Variants in FANCA observed in about 807,000 individuals in gnomAD.
The protein encoded by FANCA is FA complementation group A.
FANCA carries 236 observed loss-of-function variants against 194.3 expected under a neutral mutation model. The observed-to-expected ratio is 1.21, with a 90% CI of 1.09 to 1.35. FANCA has a LOEUF of 1.35. Among genes scored for constraint, FANCA ranks in the 40% most tolerant of loss-of-function variants. The probability of loss-of-function intolerance (pLI) is 0.00; values close to 1 mark genes in which losing one functional copy is unlikely to be tolerated. For missense variants in FANCA, 2,628 were observed against 1,813.9 expected, an observed-to-expected ratio of 1.45 and a Z score of -8.15; for synonymous variants, 1,014 against 715.8, an observed-to-expected ratio of 1.42 and a Z score of -6.65.
intron 1 of FANCA, 52 bp from the exon 2 acceptor site, chr16:89,816,038 T>A: frequency 7.0e-7 from 1 of 1,423,472 alleles, no homozygotes. Context: ...ACACACGGGG[T>A]CCCCGGCCCG....
chr16:89,809,851 C>A (rs1228431878), intron 5 of FANCA, among the ~76,000 whole-genome samples: 18 of 147,660 alleles, frequency 1.2e-4, no homozygotes, highest in South Asian at 6.4e-4. Flanking sequence ...AAAACTCCAT[C>A]TCAAAAAAAA....
chr16:89,771,400 A>C (rs1257193559), intron 23 of FANCA, among the ~76,000 whole-genome samples: 1 of 151,660 alleles, frequency 6.6e-6, no homozygotes, highest in African/African-American at 2.4e-5. Context: ...TCAAAGCTGT[A>C]GTGAGCCATG....
intron 21 of FANCA, among the ~76,000 whole-genome samples, chr16:89,774,390 C>A (rs2039423666): frequency 6.6e-6 from 1 of 152,218 alleles, no homozygotes; most frequent in Non-Finnish European, 1.5e-5. Flanking sequence ...GGGTACACAG[C>A]CCTGAGGCCC....
intron 14 of FANCA, chr16:89,791,049 G>C (rs2040057205): frequency 2.3e-5 from 2 of 87,142 alleles, no homozygotes; most frequent in East Asian, 2.7e-4. Context: ...TTTTTTTTTT[G>C]GTGGAGATGA....
At chr16:89,810,581 ACT>A in intron 5 of FANCA, 124 bp downstream of exon 5, 1 of 755,848 alleles carries the variant, frequency 1.3e-6, no homozygotes, top group Non-Finnish European at 2.4e-6. Context: ...TTTTTCATCC[ACT>A]CTCTGTAATT....
intron 36 of FANCA, among the ~76,000 whole-genome samples, chr16:89,743,839 A>G (rs1282661500): frequency 2.6e-5 from 4 of 152,196 alleles, no homozygotes; most frequent in Non-Finnish European, 5.9e-5. Flanking sequence ...AAACAAAACA[A>G]AAAACAAAAC....
At chr16:89,806,543 T>A (rs914861875) in intron 6 of FANCA, among the ~76,000 whole-genome samples, 1 of 151,582 alleles carries the variant, frequency 6.6e-6, no homozygotes, top group Admixed American at 6.6e-5. Context: ...TAGGGAGTGG[T>A]GATGACTCTT....
Position 89,742,990 on chromosome 16 carries a change from G to A in FANCA, c.3627-52C>T, listed in dbSNP as rs367880686. The A allele has an allele frequency of 8.8e-5, 140 of 1,589,730 alleles. No homozygotes were observed. In the African/African-American group the frequency reaches 1.6e-3, roughly 18 times the overall value. On this transcript the variant is annotated intron_variant, in intron 36 of 42. Transcript: ENST00000389301. ...CAGGGCCTTACAACCATACAACCACGCCATAGAAACCAAGTCCTTATTCCC... is the reference window on the plus strand; with the variant it reads ...CAGGGCCTTACAACCATACAACCACACCATAGAAACCAAGTCCTTATTCCC...
rs759940726 is a variant in FANCA at position 89,779,905 on chromosome 16, T to G, written c.1679A>C (p.His560Pro). The change falls in exon 18 of 43, where the codon CAT becomes CCT. Residue 560 changes from histidine to proline, a missense_variant. Physicochemically the swap from His to Pro is moderately conservative, Grantham distance 77 (BLOSUM62 -2). Transcript: ENST00000389301. Reference protein sequence around the residue: ...DVEKAIMVFEHTGNIPVTVME... With the variant: ...DVEKAIMVFEPTGNIPVTVME... The stretch of plus-strand genomic sequence containing the variant: ...GACGGTGACTGGGATGTTCCCCGTA[T>G]GCTCAAACACCATGATGGCCTTTTC... The G allele has an allele frequency of 5.6e-6, 9 of 1,614,146 alleles. No individual in the cohort carries two copies. In the South Asian group the frequency reaches 8.8e-5, roughly 16 times the overall value.
chr16:89,782,100 G>A (rs2039733276), intron 17 of FANCA, among the ~76,000 whole-genome samples: 1 of 150,432 alleles, frequency 6.6e-6, no homozygotes, highest in Non-Finnish European at 1.5e-5. Flanking sequence ...ACTTGGCCAG[G>A]AGCAGTGGCT....
rs1405170389 is a variant in FANCA, at chr16:89,774,478, C to G, written c.1901-1094G>C. Among the ~76,000 whole-genome samples the G allele has an allele frequency of 4.6e-5, 7 of 152,182 alleles. No individual in the cohort carries two copies. In the East Asian group the frequency reaches 1.4e-3, roughly 30 times the overall value. On this transcript the variant is annotated intron_variant, in intron 21 of 42. Coordinates refer to ENST00000389301, the MANE Select transcript of FANCA (RefSeq NM_000135.4). Reference sequence around the variant, plus strand: ...GGGCATGGGGGCTCCCACCTGTAATCCCAGCACTGTGGGAGGCCGAGGCGG... The same window carrying G: ...GGGCATGGGGGCTCCCACCTGTAATGCCAGCACTGTGGGAGGCCGAGGCGG...
rs1057067682 is a variant in FANCA, at chr16:89,738,461, T to C, written c.*140A>G. ...GCTGAGTGACTCGGGGCCGGACAGT[T>C]CATAAATAATTGATTCCTTTCCCCA... On this transcript the variant is annotated 3_prime_UTR_variant, in exon 43 of 43. Coordinates refer to ENST00000389301, the MANE Select transcript of FANCA (RefSeq NM_000135.4). 11 of 1,436,400 alleles carry C rather than the reference T, an allele frequency of 7.7e-6. No individual in the cohort carries two copies. The African/African-American group carries it at 1.6e-4, about 20-fold the overall frequency. The allele number at this position is 1,436,400 out of a possible 1,614,324, so 89.0% of individuals were successfully genotyped here.
At chr16:89,784,636 C>A (rs1375984277) in intron 15 of FANCA, among the ~76,000 whole-genome samples, 1 of 152,084 alleles carries the variant, frequency 6.6e-6, no homozygotes, top group Non-Finnish European at 1.5e-5. Context: ...TTGACTGGCA[C>A]ACACGCACTC....
rs1422652232 is a variant in FANCA, at chr16:89,746,791, T to A, written c.3408+40A>T. 3.2e-6 allele frequency: 5 copies of A among 1,580,272 alleles called. No individual in the cohort carries two copies. In the South Asian group the frequency reaches 5.7e-5, roughly 18 times the overall value. On this transcript the variant is annotated intron_variant, in intron 34 of 42. Coordinates refer to ENST00000389301, the MANE Select transcript of FANCA (RefSeq NM_000135.4). ...CTGACAGGAGGATCCACCCACGGCG[T>A]TCTGAGAAGGCCACGAGAGGGGCTG...
rs199680385 is a variant in FANCA at position 89,760,262 on chromosome 16, G to C, written c.2853-1557C>G. Among the ~76,000 whole-genome samples the C allele has an allele frequency of 7.2e-5, 11 of 152,346 alleles. No homozygotes were observed. In the East Asian group the frequency reaches 1.4e-3, roughly 19 times the overall value. On this transcript the variant is annotated intron_variant, in intron 29 of 42. Transcript: ENST00000389301. Reference sequence around the variant, plus strand: ...GGTGAGTGAAGGAAGCGCCTGCAGAGCGGGCTTGGCACGACCTGAACCATC... The same window carrying C: ...GGTGAGTGAAGGAAGCGCCTGCAGACCGGGCTTGGCACGACCTGAACCATC...
At chr16:89,804,508 G>C (rs2040565909) in intron 7 of FANCA, among the ~76,000 whole-genome samples, 1 of 152,096 alleles carries the variant, frequency 6.6e-6, no homozygotes, top group Non-Finnish European at 1.5e-5. Context: ...AGCTGGATTG[G>C]TCCAAGCCAT....
chr16:89,769,916 C>A lies in FANCA; in HGVS notation c.2425G>T (p.Gly809Cys). The change falls in exon 26 of 43, where the codon GGT (glycine) becomes TGT (cysteine). Residue 809 changes from glycine (G) to cysteine (C), a missense_variant. Transcript: ENST00000389301. Reference protein sequence around the residue: ...PEVDVGPPAPGAGLPVPALFD... With the variant: ...PEVDVGPPAPCAGLPVPALFD... ...AGCGCAGGGACAGGAAGGCCAGCAC[C>A]AGGTGCAGGAGGACCCACATCCACC... The A allele has an allele frequency of 6.2e-7, 1 of 1,614,060 alleles. No homozygotes were observed. The highest frequency in any genetic ancestry group is 8.5e-7 in the Non-Finnish European group (1 of 1,179,982).
At chr16:89,778,731 G>T in intron 20 of FANCA, 70 bp downstream of exon 20, 1 of 1,401,938 alleles carries the variant, frequency 7.1e-7, no homozygotes, top group Non-Finnish European at 1.0e-6. Context: ...CTCTACAGAA[G>T]ATCCACAATT....
intron 6 of FANCA, among the ~76,000 whole-genome samples, chr16:89,806,481 G>T (rs1020554690): frequency 6.6e-6 from 1 of 151,214 alleles, no homozygotes; most frequent in Non-Finnish European, 1.5e-5. Context: ...GTTTTCCTAG[G>T]CAGAGGACCC....
Sources: gnomAD v4.1 joint callset for allele counts (sites outside exome capture counted in the v4.1 genomes callset) on GRCh38, gnomAD v4.1.1 for gene constraint, MANE v1.5 for transcripts, NCBI Gene and HGNC (gene_info 2026-07-23, HGNC 2026-07-21) for gene names.